The following LIMCH1 variants were observed in gnomAD, a reference collection of about 807,000 sequenced individuals.
The protein encoded by LIMCH1 is LIM and calponin homology domains-containing protein 1.
A neutral mutation model predicts 176.5 loss-of-function variants in LIMCH1; 113 were observed. The observed-to-expected ratio is 0.64, with a 90% confidence interval of 0.55 to 0.75. The LOEUF (loss-of-function observed/expected upper bound fraction) is 0.75, where lower values mean the gene tolerates loss of function less well. Among genes scored for constraint, LIMCH1 ranks in the 30% least tolerant of loss-of-function variants. LIMCH1 has a pLI of 0.00. For synonymous variants in LIMCH1, 619 were observed against 645.9 expected (o/e 0.96, Z 0.63); for missense variants, 1,674 against 1,814.9 (o/e 0.92, Z 1.41).
At chr4:41,665,385 C>T (rs1372263774) in intron 20 of LIMCH1, among the ~76,000 whole-genome samples, 1 of 152,202 alleles carries the variant, frequency 6.6e-6, no homozygotes, top group Non-Finnish European at 1.5e-5. Flanking sequence ...TAGACCTTAT[C>T]ATTTGCTGTG....
intron 1 of LIMCH1, among the ~76,000 whole-genome samples, chr4:41,439,807 G>A (rs1361847336): frequency 6.6e-6 from 1 of 152,070 alleles, no homozygotes; most frequent in Non-Finnish European, 1.5e-5. Context: ...TGGAGGCTGA[G>A]GCAGGAGAAT....
At chr4:41,625,123 T>C (rs980857785) in intron 7 of LIMCH1, among the ~76,000 whole-genome samples, 2 of 152,188 alleles carry the variant, frequency 1.3e-5, no homozygotes, top group African/African-American at 2.4e-5. Flanking sequence ...CCCTTGAGTA[T>C]ACTTTAATTA....
At chr4:41,473,441 A>C (rs1228292272) in intron 1 of LIMCH1, among the ~76,000 whole-genome samples, 1 of 152,240 alleles carries the variant, frequency 6.6e-6, no homozygotes, top group Non-Finnish European at 1.5e-5. Flanking sequence ...TCCCTGTGTC[A>C]ATCAGTAGTA....
In LIMCH1 at chr4:41,680,988, T is replaced by C. The variant is rs1197858713; in HGVS notation, c.3646T>C (p.Phe1216Leu). 1.2e-6 allele frequency: 2 copies of C among 1,610,964 alleles called. No individual in the cohort carries two copies. Among genetic ancestry groups the C allele is most frequent in the Non-Finnish European group, 1.7e-6 (2 of 1,177,288 alleles). Residue 1216 changes from phenylalanine (F) to leucine (L), a missense_variant, in exon 25 of 32, where the codon TTT (phenylalanine) becomes CTT (leucine). Phe to Leu is a conservative substitution (Grantham distance 22). Transcript: ENST00000503057. ...GATAATTGAAGACACTGTGGTTCCATTTACTGTTTCTTCAAGTTCCGCTGA... is the reference window on the plus strand; with the variant it reads ...GATAATTGAAGACACTGTGGTTCCACTTACTGTTTCTTCAAGTTCCGCTGA... Reference protein sequence around the residue: ...RKIIEDTVVPFTVSSSSADQL... With the variant: ...RKIIEDTVVPLTVSSSSADQL...
chr4:41,519,890 T>A (rs1196211523), intron 2 of LIMCH1, among the ~76,000 whole-genome samples: 1 of 152,156 alleles, frequency 6.6e-6, no homozygotes, highest in Non-Finnish European at 1.5e-5. Flanking sequence ...TTTCAGTAAC[T>A]CATAGCTAAT....
At chr4:41,441,840 A>T (rs1305337964) in intron 1 of LIMCH1, among the ~76,000 whole-genome samples, 4 of 152,220 alleles carry the variant, frequency 2.6e-5, no homozygotes, top group Non-Finnish European at 5.9e-5. Flanking sequence ...TAATGGTATA[A>T]GCAATATTAA....
chr4:41,614,316 G>T (rs574245663), intron 5 of LIMCH1, among the ~76,000 whole-genome samples: 1 of 152,174 alleles, frequency 6.6e-6, no homozygotes. Flanking sequence ...TTACAAAAAT[G>T]TGTAATCATG....
At chr4:41,612,020 C>T (rs192750294) in intron 4 of LIMCH1, among the ~76,000 whole-genome samples, 378 of 152,178 alleles carry the variant, frequency 2.5e-3, no homozygotes, top group African/African-American at 8.7e-3. Flanking sequence ...AGGGTTATGC[C>T]GGCTCTACTC....
At chr4:41,658,110 T>G (rs567883041) in intron 18 of LIMCH1, among the ~76,000 whole-genome samples, 1 of 152,250 alleles carries the variant, frequency 6.6e-6, no homozygotes, top group South Asian at 2.1e-4. Flanking sequence ...CCACCTCCCC[T>G]GCCTTCTAGC....
At position 41,646,913 on chromosome 4, in the gene LIMCH1, A is replaced by T. The variant is rs2094085636; in HGVS notation, c.2820+20A>T. On this transcript the variant is annotated intron_variant, in intron 17 of 31. Transcript: ENST00000503057. ...TTTAAGGTAGGACAAGTTCCTTAAG[A>T]GTAGAACCAAAGCTGAACTCCAGGG... The T allele has an allele frequency of 6.3e-7, 1 of 1,593,122 alleles. No homozygotes were observed. The highest frequency in any genetic ancestry group is 8.6e-7 in the Non-Finnish European group (1 of 1,163,886).
chr4:41,374,552 A>T (rs1374431107), intron 1 of LIMCH1, among the ~76,000 whole-genome samples: 1 of 138,998 alleles, frequency 7.2e-6, no homozygotes, highest in East Asian at 2.1e-4. Flanking sequence ...GTGTTTAATA[A>T]TTTTTTTCAT....
rs572420756 is a variant in LIMCH1 at position 41,545,753 on chromosome 4, T to G, written c.-241+7403T>G. Reference sequence around the variant, plus strand: ...AGTATTCATTTAAAAAGTCATAGGTTTAACTTTTTTAAAAGTCAAGTCAGC... The same window carrying G: ...AGTATTCATTTAAAAAGTCATAGGTGTAACTTTTTTAAAAGTCAAGTCAGC... On this transcript the variant is annotated intron_variant, in intron 1 of 31. Coordinates refer to ENST00000503057, the MANE Select transcript of LIMCH1 (RefSeq NM_001330672.2). Among the ~76,000 whole-genome samples, 7 of 152,346 alleles carry G rather than the reference T, an allele frequency of 4.6e-5. No homozygotes were observed. In the South Asian group the frequency reaches 1.5e-3, roughly 32 times the overall value.
chr4:41,360,483 G>C (rs562038723), upstream of LIMCH1: 1 of 157,386 alleles, frequency 6.4e-6, no homozygotes, highest in East Asian at 1.8e-4. This position sits in a 1 kb window ranked among gnomAD's most constrained non-coding sequence, Gnocchi z 4.5. Context: ...ATCGGGCCGG[G>C]TGTGAACGGG....
intron 3 of LIMCH1, among the ~76,000 whole-genome samples, chr4:41,532,877 T>C (rs2077477738): frequency 6.6e-6 from 1 of 152,210 alleles, no homozygotes; most frequent in African/African-American, 2.4e-5. Context: ...ACAACATTTA[T>C]CATCTCATTG....
At chr4:41,568,921 AGTCT>A (rs1210019309) in intron 1 of LIMCH1, among the ~76,000 whole-genome samples, 3 of 151,778 alleles carry the variant, frequency 2.0e-5, no homozygotes, top group Non-Finnish European at 4.4e-5. Context: ...TTGTGTTTTT[AGTCT>A]GTCATTCTCT....
At chr4:41,375,660 G>A (rs141159179) in intron 1 of LIMCH1, among the ~76,000 whole-genome samples, 5 of 152,330 alleles carry the variant, frequency 3.3e-5, no homozygotes, top group African/African-American at 4.8e-5. Context: ...GGGTCCAGGG[G>A]GTGTGCAGCT....
intron 2 of LIMCH1, among the ~76,000 whole-genome samples, chr4:41,601,761 T>C (rs568451275): frequency 1.4e-4 from 21 of 152,312 alleles, no homozygotes; most frequent in African/African-American, 4.8e-4. Context: ...GAATAAACTA[T>C]CGGATTTCGT....
intron 1 of LIMCH1, among the ~76,000 whole-genome samples, chr4:41,409,887 A>G (rs1276893060): frequency 6.6e-6 from 1 of 152,008 alleles, no homozygotes; most frequent in African/African-American, 2.4e-5. Flanking sequence ...AACTTAATTC[A>G]CTCTTCCCTG....
At chr4:41,558,826 G>A (rs1257446561) in intron 1 of LIMCH1, among the ~76,000 whole-genome samples, 1 of 152,152 alleles carries the variant, frequency 6.6e-6, no homozygotes, top group Non-Finnish European at 1.5e-5. Context: ...TTGGATTGAT[G>A]CTATAAAGAG....
Sources: gnomAD v4.1 joint callset for allele counts (sites outside exome capture counted in the v4.1 genomes callset) on GRCh38, gnomAD v4.1.1 for gene constraint, Gnocchi (gnomAD v3.1) non-coding constraint, MANE v1.5 for transcripts, NCBI Gene and HGNC (gene_info 2026-07-23, HGNC 2026-07-21) for gene names.